The following ANK2 variants were observed in gnomAD, a reference collection of about 807,000 sequenced individuals.
ANK2 encodes ankyrin 2.
ANK2 carries 83 observed loss-of-function variants against 360.5 expected under a neutral mutation model. The observed-to-expected ratio is 0.23, with a 90% CI of 0.19 to 0.28. The LOEUF (loss-of-function observed/expected upper bound fraction) is 0.28. Among genes scored for constraint, ANK2 ranks in the 10% least tolerant of loss-of-function variants. ANK2 has a pLI of 1.00. For synonymous variants in ANK2, 1,740 were observed against 1,759.5 expected, an observed-to-expected ratio of 0.99 and a Z score of 0.28; for missense variants, 4,201 against 4,795.7, an observed-to-expected ratio of 0.88 and a Z score of 3.66.
At chr4:113,192,700 GTAATA>G (rs1381257676) in intron 2 of ANK2, among the ~76,000 whole-genome samples, 1 of 152,068 alleles carries the variant, frequency 6.6e-6, no homozygotes, top group Non-Finnish European at 1.5e-5. Flanking sequence ...AAAATATGCT[GTAATA>G]TAATATATGT....
intron 24 of ANK2, 146 bp from the exon 25 acceptor site, chr4:113,317,561 A>G (rs1170751973): frequency 7.2e-6 from 5 of 698,722 alleles, no homozygotes; most frequent in Non-Finnish European, 1.0e-5. Context: ...ACAAAAAGGT[A>G]GGACAACAGA....
chr4:113,365,085 T>C lies in ANK2; in HGVS notation c.10935T>C (p.Ile3645=), dbSNP rs143932461. 5.3e-5 allele frequency: 86 copies of C among 1,613,906 alleles called. No individual in the cohort carries two copies. Among genetic ancestry groups the C allele is most frequent in the Admixed American group, 1.0e-4 (6 of 59,990 alleles). Residue 3645 remains isoleucine, a synonymous_variant, in exon 41 of 46, where the codon ATT becomes ATC. Transcript: ENST00000357077. ...ECLTKINRMD[I]VHLMETNTEP... ...TCACCAAGATCAACCGAATGGATATTGTTCATCTCATGGAGACCAACACAG... is the reference window on the plus strand; with the variant it reads ...TCACCAAGATCAACCGAATGGATATCGTTCATCTCATGGAGACCAACACAG...
the ANK2 span, among the ~76,000 whole-genome samples, chr4:112,756,786 A>C: frequency 3.1e-4 from 47 of 152,288 alleles, no homozygotes; most frequent in African/African-American, 1.1e-3. Flanking sequence ...CAGCCTGGCC[A>C]ACATAGTACA....
Position 113,356,195 on chromosome 4 carries a change from C to T in ANK2, c.7577C>T (p.Ser2526Leu), listed in dbSNP as rs762909298. The change falls in exon 38 of 46, where the codon TCG (serine) becomes TTG (leucine). Residue 2526 changes from serine to leucine, a missense_variant. Transcript: ENST00000357077. ...GAGGATGACAGTCTTGAGCAGACAT[C>T]GCTCATGGAGAGCTCAGGGAAGAGC... Reference protein sequence around the residue: ...SAEDDSLEQTSLMESSGKSPL... With the variant: ...SAEDDSLEQTLLMESSGKSPL... 23 of 1,613,974 alleles carry T rather than the reference C, an allele frequency of 1.4e-5. No individual in the cohort carries two copies. The highest frequency in any genetic ancestry group is 3.3e-5 in the South Asian group (3 of 91,066).
At chr4:113,142,741 G>A (rs13126726) in intron 1 of ANK2, among the ~76,000 whole-genome samples, 56,100 of 151,748 alleles carry the variant, frequency 0.37, 11,035 homozygotes, top group Non-Finnish European at 0.44. Context: ...AAGAAAGAGG[G>A]GGGTAGAAGA....
chr4:113,200,373 T>A (rs1489241219), intron 4 of ANK2, among the ~76,000 whole-genome samples: 1 of 152,214 alleles, frequency 6.6e-6, no homozygotes, highest in African/African-American at 2.4e-5. Flanking sequence ...TTTATTTTAC[T>A]TAGATTCAAG....
At chr4:112,735,966 C>G in the ANK2 span, among the ~76,000 whole-genome samples, 5 of 151,988 alleles carry the variant, frequency 3.3e-5, no homozygotes, top group Admixed American at 6.6e-5. Context: ...TTTTATATAG[C>G]CTGTTATATT....
the ANK2 span, among the ~76,000 whole-genome samples, chr4:112,751,871 G>C: frequency 1.3e-5 from 2 of 152,186 alleles, no homozygotes; most frequent in African/African-American, 4.8e-5. Flanking sequence ...GTCCCAACAA[G>C]GGATGTTGCA....
chr4:113,182,446 T>A (rs2153269756), intron 2 of ANK2, among the ~76,000 whole-genome samples: 1 of 152,230 alleles, frequency 6.6e-6, no homozygotes, highest in African/African-American at 2.4e-5. Flanking sequence ...CTGCATGAGG[T>A]CACCAAAAGA....
chr4:113,082,804 A>G (rs1331173687), intron 1 of ANK2, among the ~76,000 whole-genome samples: 2 of 152,110 alleles, frequency 1.3e-5, no homozygotes, highest in African/African-American at 4.8e-5. Flanking sequence ...ATGTGTTTGT[A>G]TTTTCTTCTT....
chr4:112,810,155 ATATATTTTTTT>A, the ANK2 span, among the ~76,000 whole-genome samples: 107 of 23,296 alleles, frequency 4.6e-3, no homozygotes, highest in South Asian at 0.016. Flanking sequence ...ATATATATAT[ATATATTTTTTT>A]TTTTTTTTTT....
At chr4:113,014,176 G>A (rs527496711) in intron 2 of ANK2, among the ~76,000 whole-genome samples, 1 of 151,982 alleles carries the variant, frequency 6.6e-6, no homozygotes, top group African/African-American at 2.4e-5. Context: ...AAAATAAAAT[G>A]GAAATGAAAA....
At chr4:113,209,042 G>A (rs1383073513) in intron 4 of ANK2, among the ~76,000 whole-genome samples, 1 of 151,896 alleles carries the variant, frequency 6.6e-6, no homozygotes, top group South Asian at 2.1e-4. Flanking sequence ...CAGATTAATA[G>A]GAGAAAAGGA....
rs2095757860 is a variant in ANK2 at position 113,356,185 on chromosome 4, GAGC to G, written c.7570_7572del (p.Gln2524del). The G allele has an allele frequency of 6.2e-7, 1 of 1,613,956 alleles. No individual in the cohort carries two copies. The highest frequency in any genetic ancestry group is 2.2e-5 in the East Asian group (1 of 44,848). On this transcript the variant is annotated inframe_deletion, in exon 38 of 46. Transcript: ENST00000357077. Reference sequence around the variant, plus strand: ...TGGCAGTGCTGAGGATGACAGTCTTGAGCAGACATCGCTCATGGAGAGCTCAGG... The same window carrying G: ...TGGCAGTGCTGAGGATGACAGTCTTGAGACATCGCTCATGGAGAGCTCAGG...
At chr4:113,307,441 A>C (rs1228475331) in intron 23 of ANK2, among the ~76,000 whole-genome samples, 1 of 106,290 alleles carries the variant, frequency 9.4e-6, no homozygotes, top group Non-Finnish European at 1.8e-5. Context: ...TTTGTGATGG[A>C]GTCTCACTCT....
chr4:112,805,000 G>A, the ANK2 span, among the ~76,000 whole-genome samples: 7 of 152,130 alleles, frequency 4.6e-5, no homozygotes, highest in South Asian at 6.2e-4. Flanking sequence ...CACAAAAATT[G>A]TGCCTCACAG....
intron 1 of ANK2, among the ~76,000 whole-genome samples, chr4:113,080,643 AAT>A (rs993606837): frequency 1.3e-5 from 2 of 152,156 alleles, no homozygotes; most frequent in African/African-American, 2.4e-5. Flanking sequence ...ATAATGTTTG[AAT>A]ATATATTCAA....
intron 4 of ANK2, among the ~76,000 whole-genome samples, chr4:113,223,517 G>C (rs1346428071): frequency 1.3e-5 from 2 of 152,128 alleles, no homozygotes; most frequent in African/African-American, 4.8e-5. Flanking sequence ...GGAATTAAGG[G>C]TATTGTAAAG....
intron 2 of ANK2, among the ~76,000 whole-genome samples, chr4:112,957,019 T>G (rs968691328): frequency 1.0e-4 from 15 of 146,666 alleles, no homozygotes; most frequent in East Asian, 3.9e-4. Context: ...TTTTTTTTTT[T>G]TTTTTTTTTT....
Sources: gnomAD v4.1 joint callset for allele counts (sites outside exome capture counted in the v4.1 genomes callset) on GRCh38, gnomAD v4.1.1 for gene constraint, MANE v1.5 for transcripts, NCBI Gene and HGNC (gene_info 2026-07-23, HGNC 2026-07-21) for gene names.